Variants in PDE7B observed in about 807,000 individuals in gnomAD.
PDE7B encodes phosphodiesterase 7B.
In PDE7B, 29 loss-of-function variants were observed where a neutral mutation model predicts 56.2. The observed-to-expected ratio is 0.52, with a 90% CI of 0.38 to 0.70. PDE7B has a LOEUF of 0.70. PDE7B is among the 30% of genes least tolerant of loss of function. The probability of loss-of-function intolerance (pLI) is 0.00; values close to 1 mark genes in which losing one functional copy is unlikely to be tolerated. For missense variants in PDE7B, 490 were observed against 565.0 expected (o/e 0.87, Z 1.35); for synonymous variants, 197 against 196.9 (o/e 1.00, Z 0.00).
At chr6:135,858,212 G>A (rs564414156) in intron 1 of PDE7B, among the ~76,000 whole-genome samples, 1 of 152,008 alleles carries the variant, frequency 6.6e-6, no homozygotes, top group East Asian at 1.9e-4. Context: ...GAGTGAAGTG[G>A]CACGATCTTG....
chr6:136,172,435 T>C (rs537977628), intron 8 of PDE7B, among the ~76,000 whole-genome samples: 18 of 152,356 alleles, frequency 1.2e-4, no homozygotes, highest in African/African-American at 4.1e-4. Flanking sequence ...ATAAATGTCT[T>C]CCTTTGAGAC....
At chr6:135,921,554 C>T (rs1774081199) in intron 1 of PDE7B, among the ~76,000 whole-genome samples, 1 of 152,078 alleles carries the variant, frequency 6.6e-6, no homozygotes, top group African/African-American at 2.4e-5. Flanking sequence ...ATATATCCAT[C>T]ATCTGGACAT....
At chr6:136,009,903 T>C (rs1409510025) in intron 2 of PDE7B, among the ~76,000 whole-genome samples, 1 of 152,222 alleles carries the variant, frequency 6.6e-6, no homozygotes, top group Non-Finnish European at 1.5e-5. Flanking sequence ...AACTAACTCC[T>C]GGAATCACTG....
At chr6:135,866,790 C>T (rs932167261) in intron 1 of PDE7B, among the ~76,000 whole-genome samples, 11 of 152,120 alleles carry the variant, frequency 7.2e-5, no homozygotes, top group Non-Finnish European at 1.5e-4. Flanking sequence ...GTCGTAAACA[C>T]ATAAAAGATT....
chr6:135,947,331 A>AT, intron 1 of PDE7B, 133 bp from the exon 2 acceptor site: 1 of 701,288 alleles, frequency 1.4e-6, no homozygotes, highest in South Asian at 1.7e-5. Flanking sequence ...TCATGACATA[A>AT]GTCCCTAGAC....
intron 6 of PDE7B, 29 bp downstream of exon 6, chr6:136,151,284 C>A: frequency 8.4e-7 from 1 of 1,191,810 alleles, no homozygotes; most frequent in Non-Finnish European, 1.3e-6. Context: ...ATTTCTAGCC[C>A]CATTCTCTTG....
intron 1 of PDE7B, among the ~76,000 whole-genome samples, chr6:135,918,621 TTAAA>T (rs5880268): frequency 0.14 from 21,069 of 151,976 alleles, 1,718 homozygotes; most frequent in East Asian, 0.38. Flanking sequence ...ATTAAATAAA[TTAAA>T]TAAATAAATT....
intron 2 of PDE7B, among the ~76,000 whole-genome samples, chr6:136,036,447 G>A (rs1418429741): frequency 6.6e-6 from 1 of 152,092 alleles, no homozygotes; most frequent in Non-Finnish European, 1.5e-5. Context: ...AAGGAGAGTA[G>A]GTTTGCCAGT....
intron 2 of PDE7B, among the ~76,000 whole-genome samples, chr6:136,064,149 G>A (rs143563277): frequency 3.5e-4 from 53 of 152,206 alleles, no homozygotes; most frequent in Middle Eastern, 3.4e-3. Flanking sequence ...TTGTTTTAGC[G>A]TGCAATGGAA....
chr6:136,022,249 CTGGT>C (rs2128208209), intron 2 of PDE7B, among the ~76,000 whole-genome samples: 1 of 152,254 alleles, frequency 6.6e-6, no homozygotes, highest in South Asian at 2.1e-4. Context: ...TGAGAATTTT[CTGGT>C]TAATGTTTTT....
chr6:136,067,881 A>G (rs560787562), intron 2 of PDE7B, among the ~76,000 whole-genome samples: 3 of 152,328 alleles, frequency 2.0e-5, no homozygotes, highest in Non-Finnish European at 4.4e-5. Flanking sequence ...TTCCAGAATC[A>G]ATGAAAAGAG....
chr6:136,037,727 G>A (rs775937860), intron 2 of PDE7B: 28 of 985,324 alleles, frequency 2.8e-5, no homozygotes, highest in Non-Finnish European at 1.1e-5. Flanking sequence ...CCCTCTGTGA[G>A]GTTAGCAAAG....
At position 136,151,148 on chromosome 6, in the gene PDE7B, G is replaced by C; in HGVS notation, c.383-12G>C. The C allele has an allele frequency of 6.7e-7, 1 of 1,493,792 alleles. No individual in the cohort carries two copies. The highest frequency in any genetic ancestry group is 9.3e-7 in the Non-Finnish European group (1 of 1,071,820). The allele number at this position is 1,493,792 out of a possible 1,614,324, so 92.5% of individuals were successfully genotyped here. A position where few individuals can be genotyped will look rare whatever the true frequency, so the allele number is the denominator to read the frequency against. On this transcript the variant is annotated splice_polypyrimidine_tract_variant and intron_variant, in intron 5 of 12. Transcript: ENST00000308191. ...TCAAAATTAGTTAAAGGAAGTGACT[G>C]TTTTCCTGCAGGAAACAGCCTGGTA...
intron 2 of PDE7B, among the ~76,000 whole-genome samples, chr6:135,964,319 G>T (rs964621220): frequency 6.6e-6 from 1 of 152,046 alleles, no homozygotes; most frequent in Non-Finnish European, 1.5e-5. Flanking sequence ...TGGCCAGGCT[G>T]GTCTCGAACT....
chr6:136,093,171 G>A (rs1326690064), intron 2 of PDE7B, among the ~76,000 whole-genome samples: 1 of 152,190 alleles, frequency 6.6e-6, no homozygotes, highest in African/African-American at 2.4e-5. Flanking sequence ...TGATGGCTGT[G>A]AAAACAAACG....
chr6:136,131,788 A>T (rs1778123513), intron 3 of PDE7B, among the ~76,000 whole-genome samples: 1 of 152,166 alleles, frequency 6.6e-6, no homozygotes, highest in African/African-American at 2.4e-5. Context: ...GGAAAGTCAC[A>T]CATACATAGA....
intron 2 of PDE7B, among the ~76,000 whole-genome samples, chr6:136,031,732 C>G (rs1234995246): frequency 8.8e-6 from 1 of 114,120 alleles, no homozygotes; most frequent in Non-Finnish European, 1.9e-5. Flanking sequence ...GAGCGAGACT[C>G]CGTCTCAAAA....
At chr6:135,907,463 G>A (rs1238105319) in intron 1 of PDE7B, among the ~76,000 whole-genome samples, 1 of 151,960 alleles carries the variant, frequency 6.6e-6, no homozygotes, top group Non-Finnish European at 1.5e-5. Flanking sequence ...GGTGCTTTTA[G>A]TCAATTATTT....
chr6:136,072,747 A>T (rs1583865667), intron 2 of PDE7B: 1 of 152,000 alleles, frequency 6.6e-6, no homozygotes, highest in African/African-American at 2.4e-5. Flanking sequence ...TGACAGAGTG[A>T]TGCTGTTGGT....
Sources: gnomAD v4.1 joint callset for allele counts (sites outside exome capture counted in the v4.1 genomes callset) on GRCh38, gnomAD v4.1.1 for gene constraint, MANE v1.5 for transcripts, NCBI Gene and HGNC (gene_info 2026-07-23, HGNC 2026-07-21) for gene names.